Variants in FKBP5 observed in about 807,000 individuals in gnomAD.
The protein encoded by FKBP5 is FKBP prolyl isomerase 5, also known as peptidyl-prolyl cis-trans isomerase FKBP5.
In FKBP5, 23 loss-of-function variants were observed where a neutral mutation model predicts 50.5. That is an observed-to-expected ratio of 0.46 (90% CI 0.33 to 0.65). The LOEUF (loss-of-function observed/expected upper bound fraction) is 0.65. Among genes scored for constraint, FKBP5 ranks in the 30% least tolerant of loss-of-function variants. FKBP5 has a pLI of 0.02. For synonymous variants in FKBP5, 176 were observed against 190.6 expected, an observed-to-expected ratio of 0.92 and a Z score of 0.63; for missense variants, 411 against 553.1, an observed-to-expected ratio of 0.74 and a Z score of 2.58.
intron 8 of FKBP5, chr6:35,582,850 C>A: frequency 1.0e-6 from 1 of 981,914 alleles, no homozygotes; most frequent in African/African-American, 1.7e-5. Flanking sequence ...TTGGAATATT[C>A]AGGGTTTAGC....
intron 4 of FKBP5, among the ~76,000 whole-genome samples, chr6:35,619,454 T>C (rs887625916): frequency 1.3e-5 from 2 of 151,746 alleles, no homozygotes; most frequent in Non-Finnish European, 2.9e-5. Context: ...GGGACTGCAG[T>C]GCAAAGATAG....
intron 8 of FKBP5, chr6:35,584,083 C>A: frequency 1.0e-6 from 1 of 985,368 alleles, no homozygotes; most frequent in Non-Finnish European, 1.2e-6. Context: ...AAACACTGAC[C>A]AGGTGTGAGT....
chr6:35,576,841 C>A (rs189902349), intron 10 of FKBP5, among the ~76,000 whole-genome samples, 153 bp downstream of exon 10: 1 of 152,176 alleles, frequency 6.6e-6, no homozygotes, highest in Non-Finnish European at 1.5e-5. Context: ...CTGCCCTACT[C>A]GACCTTTGGA....
chr6:35,580,180 T>TATC lies in FKBP5; in HGVS notation c.879_881dup (p.Lys293_Ile294insMet). On this transcript the variant is annotated inframe_insertion, in exon 9 of 11. Coordinates refer to ENST00000357266, the MANE Select transcript of FKBP5 (RefSeq NM_004117.4). ...CATATTCCATCTCTAACCAGGACACTATCTTCCCATACTGAATCACCGCCT... is the reference window on the plus strand; with the variant it reads ...CATATTCCATCTCTAACCAGGACACTATCATCTTCCCATACTGAATCACCGCCT... 1 of 1,614,104 alleles carries TATC rather than the reference T, an allele frequency of 6.2e-7. No homozygotes were observed. The highest frequency in any genetic ancestry group is 8.5e-7 in the Non-Finnish European group (1 of 1,179,926).
chr6:35,646,774 A>G (rs540751131), intron 1 of FKBP5, among the ~76,000 whole-genome samples: 2 of 152,378 alleles, frequency 1.3e-5, no homozygotes, highest in East Asian at 1.9e-4. Context: ...CCAATGCATC[A>G]GAAAGGGAAC....
chr6:35,662,284 T>C lies in FKBP5; in HGVS notation c.-19-19441A>G, dbSNP rs1234171014. Among the ~76,000 whole-genome samples the C allele has an allele frequency of 3.3e-5, 5 of 151,768 alleles. No individual in the cohort carries two copies. In the South Asian group the frequency reaches 1.0e-3, roughly 32 times the overall value. On this transcript the variant is annotated intron_variant, in intron 1 of 10. Coordinates refer to ENST00000357266, the MANE Select transcript of FKBP5 (RefSeq NM_004117.4). ...AGCATTTATTTACGTGTCTTTTTTT[T>C]TTTTTTTTGAGACAGAGTTTTGCTC...
At chr6:35,646,829 C>T (rs1764644234) in intron 1 of FKBP5, among the ~76,000 whole-genome samples, 1 of 152,110 alleles carries the variant, frequency 6.6e-6, no homozygotes, top group Admixed American at 6.5e-5. Context: ...ATACACTCTC[C>T]AAAGTGCTAG....
rs10599241 is a variant in FKBP5 at position 35,726,536 on chromosome 6, CCACACACACACACACACACACACACA to C, written c.-241+1946_-241+1971del. 7.2e-5 allele frequency among the ~76,000 whole-genome samples: 10 copies of C among 139,446 alleles called. 1 individual carries two copies. The South Asian group carries it at 1.5e-3, about 21-fold the overall frequency. The allele number at this position is 139,446 out of a possible 152,430, so 91.5% of individuals were successfully genotyped here. A position where few individuals can be genotyped will look rare whatever the true frequency, so the allele number is the denominator to read the frequency against. ...TCCACCCCTCCCATCTCCTCCTCCT[CCACACACACACACACACACACACACA>C]CACACACACACACACACACAGCTCA... is the stretch of plus-strand genomic sequence containing the variant. On this transcript the variant is annotated intron_variant, in intron 1 of 11. Transcript: ENST00000536438.
At chr6:35,588,525 A>AT (rs756170182) in intron 7 of FKBP5, among the ~76,000 whole-genome samples, 4 of 151,430 alleles carry the variant, frequency 2.6e-5, no homozygotes, top group Non-Finnish European at 5.9e-5. Context: ...TCTTTATGGA[A>AT]TTTTTTTTTA....
chr6:35,638,710 AC>A (rs1177462941), intron 2 of FKBP5, among the ~76,000 whole-genome samples: 17 of 152,074 alleles, frequency 1.1e-4, no homozygotes, highest in African/African-American at 3.9e-4. Context: ...AAGCTATCGC[AC>A]CCAGCCCCAA....
At chr6:35,687,671 A>G (rs1215310170) in intron 1 of FKBP5, among the ~76,000 whole-genome samples, 3 of 152,228 alleles carry the variant, frequency 2.0e-5, no homozygotes, top group Non-Finnish European at 4.4e-5. Flanking sequence ...GCCTTATTCC[A>G]CTGGAAAACA....
At chr6:35,615,305 C>A (rs1274617057) in intron 5 of FKBP5, among the ~76,000 whole-genome samples, 3 of 152,008 alleles carry the variant, frequency 2.0e-5, no homozygotes, top group Non-Finnish European at 4.4e-5. Flanking sequence ...CAGGAGCAAA[C>A]CTAGCACTCA....
At chr6:35,595,396 A>G (rs1187300707) in intron 6 of FKBP5, among the ~76,000 whole-genome samples, 1 of 152,252 alleles carries the variant, frequency 6.6e-6, no homozygotes, top group Non-Finnish European at 1.5e-5. Flanking sequence ...TATACATTAC[A>G]CATAAATCCA....
At chr6:35,620,079 C>A in intron 4 of FKBP5, 53 bp downstream of exon 4, 1 of 1,608,246 alleles carries the variant, frequency 6.2e-7, no homozygotes, top group South Asian at 1.1e-5. Flanking sequence ...TGCTTCAAAG[C>A]CATTCCTATT....
chr6:35,586,439 TATC>T, intron 8 of FKBP5: 1 of 985,506 alleles, frequency 1.0e-6, no homozygotes, highest in Non-Finnish European at 1.2e-6. Context: ...TCTCTCCTTT[TATC>T]ATATGCTCTA....
Position 35,650,146 on chromosome 6 carries a change from G to C in FKBP5, c.-19-7303C>G, listed in dbSNP as rs117106192. Among the ~76,000 whole-genome samples the C allele has an allele frequency of 1.3e-3, 191 of 152,178 alleles. 1 individual carries two copies. In the East Asian group the frequency reaches 0.029, roughly 23 times the overall value. On this transcript the variant is annotated intron_variant, in intron 1 of 10. Transcript: ENST00000357266. ...TGTCAAGGCTTGAGCCCAGGAGTTT[G>C]AGACCAGCTTGGGCAACACAGTGAG...
intron 7 of FKBP5, 67 bp from the exon 8 acceptor site, chr6:35,587,184 A>G: frequency 7.3e-7 from 1 of 1,375,110 alleles, no homozygotes; most frequent in Non-Finnish European, 1.0e-6. Context: ...GCCTATTGGA[A>G]CAAAGAGCAG....
intron 5 of FKBP5, among the ~76,000 whole-genome samples, chr6:35,617,717 C>T (rs921039479): frequency 6.6e-6 from 1 of 152,122 alleles, no homozygotes; most frequent in Non-Finnish European, 1.5e-5. Context: ...ATGCTGAACA[C>T]AAAAGGATGA....
intron 1 of FKBP5, among the ~76,000 whole-genome samples, chr6:35,657,158 C>T (rs1473803541): frequency 1.6e-4 from 23 of 148,142 alleles, no homozygotes; most frequent in African/African-American, 4.7e-4. Context: ...GAGCTTGCAG[C>T]GAGCTGAGAT....
Sources: gnomAD v4.1 joint callset for allele counts (sites outside exome capture counted in the v4.1 genomes callset) on GRCh38, gnomAD v4.1.1 for gene constraint, MANE v1.5 for transcripts, NCBI Gene and HGNC (gene_info 2026-07-23, HGNC 2026-07-21) for gene names.